PIEZO1: variants seen among roughly 807,000 people sequenced by gnomAD.
The protein encoded by PIEZO1 is piezo-type mechanosensitive ion channel component 1.
A neutral mutation model predicts 297.2 loss-of-function variants in PIEZO1; 296 were observed. The observed-to-expected ratio is 1.00, with a 90% CI of 0.91 to 1.10. The LOEUF (loss-of-function observed/expected upper bound fraction) is 1.10. Among genes scored for constraint, PIEZO1 ranks in the 50% least tolerant of loss-of-function variants. The pLI, the probability that PIEZO1 is intolerant of heterozygous loss-of-function variation, is 0.00. For missense variants in PIEZO1, 5,018 were observed against 3,455.5 expected, an observed-to-expected ratio of 1.45 and a Z score of -11.34; for synonymous variants, 2,427 against 1,507.5, an observed-to-expected ratio of 1.61 and a Z score of -14.13.
Position 88,734,337 on chromosome 16 carries a change from A to G in PIEZO1, c.2180+19T>C. 6.7e-7 allele frequency: 1 copy of G among 1,496,778 alleles called. No individual in the cohort carries two copies. Among genetic ancestry groups the G allele is most frequent in the Non-Finnish European group, 8.9e-7 (1 of 1,118,962 alleles). 92.7% of individuals were successfully genotyped at this position (1,496,778 alleles called of 1,614,324 possible). A position where few individuals can be genotyped will look rare whatever the true frequency, so the allele number is the denominator to read the frequency against. The stretch of plus-strand genomic sequence containing the variant: ...AGGCTACACCTCTCCAGGGCCGGAC[A>G]GGGAGGGCGGGGCCGCACCTGTGAG... On this transcript the variant is annotated intron_variant, in intron 16 of 50. Transcript: ENST00000301015.
At position 88,720,202 on chromosome 16, in the gene PIEZO1, G is replaced by C; in HGVS notation, c.6031C>G (p.Gln2011Glu). The change falls in exon 42 of 51, where the codon CAG becomes GAG. Residue 2011 changes from glutamine to glutamate, a missense_variant. Transcript: ENST00000301015. ...CGGTCAACCACCATGGTACTGAACT[G>C]GATCAGCAGCATGACCAGGAAAGCC... ...PEAFLVMLLIQFSTMVVDRAL... is the reference protein window; with the variant it reads ...PEAFLVMLLIEFSTMVVDRAL... 1 of 1,550,532 alleles carries C rather than the reference G, an allele frequency of 6.4e-7. No homozygotes were observed. The highest frequency in any genetic ancestry group is 8.7e-7 in the Non-Finnish European group (1 of 1,146,952).
chr16:88,717,803 A>G (rs980578512), intron 44 of PIEZO1: 2 of 450,032 alleles, frequency 4.4e-6, no homozygotes, highest in Admixed American at 2.4e-5. Flanking sequence ...TTTCTAGCCA[A>G]TGTATCTGCA....
rs1474792968 is a variant in PIEZO1, at chr16:88,741,459, G to A, written c.465+19C>T. 2 of 1,526,844 alleles carry A rather than the reference G, an allele frequency of 1.3e-6. No homozygotes were observed. Among genetic ancestry groups the A allele is most frequent in the East Asian group, 2.5e-5 (1 of 40,784 alleles). 94.6% of individuals were successfully genotyped at this position (1,526,844 alleles called of 1,614,324 possible). A position where few individuals can be genotyped will look rare whatever the true frequency, so the allele number is the denominator to read the frequency against. On this transcript the variant is annotated intron_variant, in intron 5 of 50. Coordinates refer to ENST00000301015, the MANE Select transcript of PIEZO1 (RefSeq NM_001142864.4). ...CTCGAATGACCTCCCTGACACACGG[G>A]TGACGCAGCTGCCCTCACCAGCTCC...
chr16:88,763,146 G>A (rs1907006994), intron 1 of PIEZO1, among the ~76,000 whole-genome samples: 1 of 152,220 alleles, frequency 6.6e-6, no homozygotes, highest in Non-Finnish European at 1.5e-5. Flanking sequence ...GGGGCCAGCT[G>A]GTGAGCTAGC....
intron 22 of PIEZO1, among the ~76,000 whole-genome samples, chr16:88,728,251 G>T (rs1904595318): frequency 6.6e-6 from 1 of 152,264 alleles, no homozygotes; most frequent in Non-Finnish European, 1.5e-5. Context: ...GGCACTGCCG[G>T]CCCCCGGCCA....
intron 30 of PIEZO1, among the ~76,000 whole-genome samples, chr16:88,724,620 G>A (rs1001756073): frequency 2.0e-5 from 3 of 152,070 alleles, no homozygotes; most frequent in East Asian, 3.9e-4. Context: ...CTTGAACCCG[G>A]GAGGTAGAGA....
In PIEZO1 at chr16:88,716,288, G is replaced by T. The variant is rs1232405487; in HGVS notation, c.7050-11C>A. 1 of 1,489,142 alleles carries T rather than the reference G, an allele frequency of 6.7e-7. No individual in the cohort carries two copies. Among genetic ancestry groups the T allele is most frequent in the Admixed American group, 2.2e-5 (1 of 44,622 alleles). 92.2% of individuals were successfully genotyped at this position (1,489,142 alleles called of 1,614,324 possible). A position where few individuals can be genotyped will look rare whatever the true frequency, so the allele number is the denominator to read the frequency against. ...AGATTAGGGATGACCCTGCAGGGAG[G>T]TGCTGGCAGGTCAGGCCTGGCCCAG... On this transcript the variant is annotated splice_polypyrimidine_tract_variant and intron_variant, in intron 48 of 50. Coordinates refer to ENST00000301015, the MANE Select transcript of PIEZO1 (RefSeq NM_001142864.4).
At chr16:88,776,781 T>C (rs1292578897) in intron 1 of PIEZO1, among the ~76,000 whole-genome samples, 1 of 152,182 alleles carries the variant, frequency 6.6e-6, no homozygotes, top group Non-Finnish European at 1.5e-5. Context: ...CCGGCGCTGA[T>C]AGCCTCTCTG....
At position 88,781,596 on chromosome 16, in the gene PIEZO1, A is replaced by G. The variant is rs1316399870; in HGVS notation, c.64+3305T>C. On this transcript the variant is annotated intron_variant, in intron 1 of 50. Transcript: ENST00000301015. ...AAGGGGCCCCCAAGCCACAGAGGAA[A>G]GCAGCTCCCACCCTACTCTGCCACG... is the stretch of plus-strand genomic sequence containing the variant. Among the ~76,000 whole-genome samples the G allele has an allele frequency of 4.6e-5, 7 of 152,366 alleles. No individual in the cohort carries two copies. The East Asian group carries it at 1.4e-3, about 29-fold the overall frequency.
At chr16:88,737,443 C>T (rs1905297013) in intron 10 of PIEZO1, 116 bp downstream of exon 10, 8 of 677,904 alleles carry the variant, frequency 1.2e-5, no homozygotes, top group Middle Eastern at 8.2e-4. Flanking sequence ...CCCGAGGGGG[C>T]GGCAGGCAGA....
At position 88,726,966 on chromosome 16, in the gene PIEZO1, G is replaced by C. The variant is rs1236751629; in HGVS notation, c.3456-8C>G. ...AGCATGTCAAGGTAGGACCTGCCAG[G>C]CCGGAGCGTCAGGGCGGGCGCCCCG... On this transcript the variant is annotated splice_polypyrimidine_tract_variant and splice_region_variant and intron_variant, in intron 24 of 50. Transcript: ENST00000301015. 6.5e-7 allele frequency: 1 copy of C among 1,550,070 alleles called. No individual in the cohort carries two copies. Among genetic ancestry groups the C allele is most frequent in the Non-Finnish European group, 8.7e-7 (1 of 1,146,736 alleles).
At chr16:88,764,277 G>C in intron 1 of PIEZO1, among the ~76,000 whole-genome samples, 1 of 152,176 alleles carries the variant, frequency 6.6e-6, no homozygotes, top group East Asian at 1.9e-4. Context: ...ACGTGGCAAT[G>C]CCCTCCCGGC....
At chr16:88,725,542 A>G in intron 28 of PIEZO1, 23 bp from the exon 29 acceptor site, 2 of 1,536,306 alleles carry the variant, frequency 1.3e-6, no homozygotes, top group Non-Finnish European at 1.8e-6. Flanking sequence ...AAGGTGGGGT[A>G]TGCTGAGCAT....
At chr16:88,735,610 T>C (rs1294287239) in intron 12 of PIEZO1, among the ~76,000 whole-genome samples, 1 of 152,230 alleles carries the variant, frequency 6.6e-6, no homozygotes, top group African/African-American at 2.4e-5. Flanking sequence ...AGCTCACAGG[T>C]GCATATGTTG....
rs750230820 is a variant in PIEZO1 at position 88,733,680 on chromosome 16, G to A, written c.2395C>T (p.Leu799Phe). The change falls in exon 18 of 51, where the codon CTC becomes TTC. Residue 799 changes from leucine (L) to phenylalanine (F), a missense_variant. Leu to Phe is a conservative substitution (Grantham distance 22). Coordinates refer to ENST00000301015, the MANE Select transcript of PIEZO1 (RefSeq NM_001142864.4). ...CGCAGGAACACCTGCACGCGTGAGAGGACGTCCGAGAAGCCGGCTGCCAGC... is the reference window on the plus strand; with the variant it reads ...CGCAGGAACACCTGCACGCGTGAGAAGACGTCCGAGAAGCCGGCTGCCAGC... ...LELAAGFSDV[L>F]SRVQVFLRRL... The A allele has an allele frequency of 8.4e-6, 13 of 1,549,582 alleles. No homozygotes were observed. In the Admixed American group the frequency reaches 2.4e-4, roughly 28 times the overall value.
At chr16:88,784,812 G>C (rs1047273390) in intron 1 of PIEZO1, 89 bp downstream of exon 1, 1 of 974,146 alleles carries the variant, frequency 1.0e-6, no homozygotes, top group East Asian at 3.7e-5. Context: ...CGCAGCCCTC[G>C]CCCCGGCCGG....
In PIEZO1 at chr16:88,722,580, T is replaced by A. The variant is rs1904287894; in HGVS notation, c.4775+3A>T. 6.6e-7 allele frequency: 1 copy of A among 1,526,670 alleles called. No individual in the cohort carries two copies. Among genetic ancestry groups the A allele is most frequent in the African/African-American group, 1.4e-5 (1 of 72,532 alleles). 94.6% of individuals were successfully genotyped at this position (1,526,670 alleles called of 1,614,324 possible). On this transcript the variant is annotated splice_donor_region_variant and intron_variant, in intron 35 of 50. Coordinates refer to ENST00000301015, the MANE Select transcript of PIEZO1 (RefSeq NM_001142864.4). ...CTGGGGCTCGGGTCACCCCCGCACC[T>A]ACCTGGACACGGTGCTTGGGGCATT...
rs1024803921 is a variant in PIEZO1, at chr16:88,738,157, CAG to C, written c.849-54_849-53del. 7.2e-6 allele frequency: 11 copies of C among 1,534,708 alleles called. No homozygotes were observed. In the Admixed American group the frequency reaches 7.8e-5, roughly 11 times the overall value. On this transcript the variant is annotated intron_variant, in intron 7 of 50. Coordinates refer to ENST00000301015, the MANE Select transcript of PIEZO1 (RefSeq NM_001142864.4). Reference sequence around the variant, plus strand: ...TACCACCCCAGAGGCAGTGGGGCCACAGGGGCTAGACGAGCCAGGTGGGCGGG... The same window carrying C: ...TACCACCCCAGAGGCAGTGGGGCCACGGGCTAGACGAGCCAGGTGGGCGGG...
At chr16:88,719,755 C>A in intron 43 of PIEZO1, 34 bp from the exon 44 acceptor site, 1 of 1,550,178 alleles carries the variant, frequency 6.5e-7, no homozygotes. Context: ...CAGGTGGGCT[C>A]CCTCATGCCC....
Sources: allele counts gnomAD v4.1 joint callset (sites outside exome capture counted in the v4.1 genomes callset), GRCh38; gene constraint gnomAD v4.1.1; transcripts MANE v1.5; gene names NCBI Gene and HGNC (gene_info 2026-07-23, HGNC 2026-07-21).